Variants in PPFIA4 observed in about 807,000 individuals in gnomAD.
The protein encoded by PPFIA4 is liprin-alpha-4.
In PPFIA4, 98 loss-of-function variants were observed where a neutral mutation model predicts 145.7. The ratio of observed to expected loss-of-function variants is 0.67; its 90% CI spans 0.57 to 0.80. The LOEUF (loss-of-function observed/expected upper bound fraction) is 0.80, where lower values mean the gene tolerates loss of function less well. Among genes scored for constraint, PPFIA4 ranks in the 30% least tolerant of loss-of-function variants. The pLI, the probability that PPFIA4 is intolerant of heterozygous loss-of-function variation, is 0.00. For synonymous variants in PPFIA4, 628 were observed against 649.6 expected (o/e 0.97, Z 0.51); for missense variants, 1,457 against 1,632.7 (o/e 0.89, Z 1.85).
At chr1:203,046,200 G>T in intron 8 of PPFIA4, 48 bp from the exon 9 acceptor site, 1 of 1,553,126 alleles carries the variant, frequency 6.4e-7, no homozygotes, top group Non-Finnish European at 8.7e-7. Flanking sequence ...TGGGGGTGGG[G>T]GCTTCAGTGC....
chr1:203,066,861 C>A (rs1354579229), intron 25 of PPFIA4, among the ~76,000 whole-genome samples: 1 of 152,138 alleles, frequency 6.6e-6, no homozygotes, highest in Non-Finnish European at 1.5e-5. Context: ...AAGATCCCTG[C>A]CCTCATGGAG....
In PPFIA4 at chr1:203,031,672, T is replaced by TA. The variant is rs1658841971; in HGVS notation, c.-400+5044dup. Among the ~76,000 whole-genome samples, 3 of 152,370 alleles carry TA rather than the reference T, an allele frequency of 2.0e-5. No individual in the cohort carries two copies. In the South Asian group the frequency reaches 6.2e-4, roughly 32 times the overall value. On this transcript the variant is annotated intron_variant, in intron 1 of 29. Transcript: ENST00000295706. Reference sequence around the variant, plus strand: ...AATGCAGTGACTTTGAGCATTTTTTTACCACCAGAGGACCCTGTTTAATAT... The same window carrying TA: ...AATGCAGTGACTTTGAGCATTTTTTTAACCACCAGAGGACCCTGTTTAATAT...
At chr1:203,059,746 G>A (rs1358863671) in intron 20 of PPFIA4, 24 bp from the exon 21 acceptor site, 18 of 1,596,350 alleles carry the variant, frequency 1.1e-5, no homozygotes, top group Non-Finnish European at 1.5e-5. Context: ...GAACTAGTGA[G>A]TCTGTTGTTC....
In PPFIA4 at chr1:203,065,638, T is replaced by C. The variant is rs150087866; in HGVS notation, c.3050+1635T>C. ...ATTTTCACATCTCACCGCCAAACTATGTGTCTACCTGCTTTTATTCCACGT... is the reference window on the plus strand; with the variant it reads ...ATTTTCACATCTCACCGCCAAACTACGTGTCTACCTGCTTTTATTCCACGT... On this transcript the variant is annotated intron_variant, in intron 25 of 29. Transcript: ENST00000295706. Among the ~76,000 whole-genome samples, 27 of 152,370 alleles carry C rather than the reference T, an allele frequency of 1.8e-4. No individual in the cohort carries two copies. The East Asian group carries it at 5.2e-3, about 29-fold the overall frequency.
At position 203,051,180 on chromosome 1, in the gene PPFIA4, A is replaced by C. The variant is rs543832775; in HGVS notation, c.1512-589A>C. The stretch of plus-strand genomic sequence containing the variant: ...GGGTTGGAATAGACTCTTGGGGCAA[A>C]GTATTTTCTCTGGCTTGTGTTTCTG... On this transcript the variant is annotated intron_variant, in intron 13 of 29. Transcript: ENST00000295706. 326 of 985,416 alleles carry C rather than the reference A, an allele frequency of 3.3e-4. 1 individual carries two copies. The African/African-American group carries it at 5.4e-3, about 16-fold the overall frequency. The allele number at this position is 985,416 out of a possible 1,614,324, so 61.0% of individuals were successfully genotyped here. A position where few individuals can be genotyped will look rare whatever the true frequency, so the allele number is the denominator to read the frequency against.
intron 28 of PPFIA4, among the ~76,000 whole-genome samples, chr1:203,072,334 C>G (rs898343040): frequency 1.3e-5 from 2 of 152,118 alleles, no homozygotes; most frequent in Admixed American, 1.3e-4. Context: ...TTGGGTCTAC[C>G]TTCACACCAA....
Position 203,055,282 on chromosome 1 carries a change from A to G in PPFIA4, c.1830-150A>G, listed in dbSNP as rs1312729260. The G allele has an allele frequency of 1.4e-5, 14 of 1,007,760 alleles. No individual in the cohort carries two copies. Among genetic ancestry groups the G allele is most frequent in the Admixed American group, 2.3e-5 (1 of 42,984 alleles). The allele number at this position is 1,007,760 out of a possible 1,614,324, so 62.4% of individuals were successfully genotyped here. ...GAGTAGGCAAGCTAACAAGAAAGAG[A>G]TGTGTTTCTAAGCTCCAGTGGGACA... On this transcript the variant is annotated intron_variant, in intron 15 of 29. Transcript: ENST00000295706. The surrounding 1 kb of genome is among the most constrained non-coding windows in gnomAD (Gnocchi z 4.8).
At chr1:203,033,047 A>G (rs1055380965) in intron 1 of PPFIA4, among the ~76,000 whole-genome samples, 3 of 152,302 alleles carry the variant, frequency 2.0e-5, no homozygotes, top group East Asian at 1.9e-4. Flanking sequence ...TGTCCCCTGA[A>G]TGAGCCTGGC....
intron 2 of PPFIA4, among the ~76,000 whole-genome samples, chr1:203,040,832 G>A (rs1659648983): frequency 6.6e-6 from 1 of 152,208 alleles, no homozygotes; most frequent in Non-Finnish European, 1.5e-5. Flanking sequence ...AGATCATACA[G>A]CTAACAGGGG....
chr1:203,030,974 T>C (rs907881242), intron 1 of PPFIA4, among the ~76,000 whole-genome samples: 1 of 152,228 alleles, frequency 6.6e-6, no homozygotes, highest in Admixed American at 6.5e-5. Context: ...TCTATATACC[T>C]ACTTGCTCTC....
chr1:203,045,633 G>C, intron 7 of PPFIA4, 74 bp downstream of exon 7: 2 of 1,478,282 alleles, frequency 1.4e-6, no homozygotes, highest in East Asian at 2.5e-5. Context: ...AAAGGCTCTG[G>C]GGCGTGAGAC....
chr1:203,066,298 G>A (rs1042591046), intron 25 of PPFIA4, among the ~76,000 whole-genome samples: 8 of 152,230 alleles, frequency 5.3e-5, no homozygotes, highest in Admixed American at 5.2e-4. Context: ...GTTCCTGGAA[G>A]TGGCATCTCT....
chr1:203,028,117 ACT>A (rs976954762), intron 1 of PPFIA4, among the ~76,000 whole-genome samples: 1 of 152,120 alleles, frequency 6.6e-6, no homozygotes, highest in African/African-American at 2.4e-5. Context: ...TGTCCTAGAC[ACT>A]CTGTGTAGTG....
intron 15 of PPFIA4, 31 bp downstream of exon 15, chr1:203,053,992 G>T: frequency 3.9e-6 from 6 of 1,548,838 alleles, no homozygotes; most frequent in Non-Finnish European, 5.2e-6. Context: ...CTTGGGAAGT[G>T]CATTGAAGGG....
chr1:203,051,353 C>T (rs965766774), intron 13 of PPFIA4: 4 of 980,520 alleles, frequency 4.1e-6, no homozygotes, highest in Non-Finnish European at 2.4e-6. Context: ...GTGAAAAGGG[C>T]CTCTAGACAT....
chr1:203,049,322 G>A (rs1200402355), intron 12 of PPFIA4, among the ~76,000 whole-genome samples: 1 of 152,134 alleles, frequency 6.6e-6, no homozygotes, highest in African/African-American at 2.4e-5. Flanking sequence ...TCCTGGCCTC[G>A]GCAATGTCTG....
At chr1:203,044,502 G>T in intron 5 of PPFIA4, 49 bp downstream of exon 5, 1 of 1,519,644 alleles carries the variant, frequency 6.6e-7, no homozygotes, top group Non-Finnish European at 8.9e-7. Context: ...AGTCCAGGCT[G>T]GTTCACCCCT....
Position 203,068,672 on chromosome 1 carries a change from C to T in PPFIA4, c.3324+44C>T, listed in dbSNP as rs1203380221. On this transcript the variant is annotated intron_variant, in intron 27 of 29. Transcript: ENST00000295706. The surrounding 1 kb of genome is among the most constrained non-coding windows in gnomAD (Gnocchi z 4.7). ...AGTCAACTTGAGTCTCTCCCTGTAT[C>T]CCTCACTTGCTCTCTTTCTTTCCCT... The T allele has an allele frequency of 4.2e-6, 6 of 1,419,290 alleles. No homozygotes were observed. The highest frequency in any genetic ancestry group is 5.5e-6 in the Non-Finnish European group (6 of 1,082,840). 87.9% of individuals were successfully genotyped at this position (1,419,290 alleles called of 1,614,324 possible).
chr1:203,060,188 A>T lies in PPFIA4; in HGVS notation c.2584-29A>T. ...TCTTGGTGGTAGGGCCCAGGCCTTG[A>T]ATTACCTCCCTGTGCCCGGTGTCTG... is the stretch of plus-strand genomic sequence containing the variant. On this transcript the variant is annotated intron_variant, in intron 21 of 29. Coordinates refer to ENST00000295706, the MANE Select transcript of PPFIA4 (RefSeq NM_001304331.2). The surrounding 1 kb of genome is among the most constrained non-coding windows in gnomAD (Gnocchi z 4.8). The T allele has an allele frequency of 1.9e-6, 3 of 1,610,198 alleles. No individual in the cohort carries two copies. The highest frequency in any genetic ancestry group is 2.5e-6 in the Non-Finnish European group (3 of 1,178,252).
Sources: allele counts gnomAD v4.1 joint callset (sites outside exome capture counted in the v4.1 genomes callset), GRCh38; gene constraint gnomAD v4.1.1; non-coding constraint Gnocchi (gnomAD v3.1); transcripts MANE v1.5; gene names NCBI Gene and HGNC (gene_info 2026-07-23, HGNC 2026-07-21).